The following NRG4 variants were observed in gnomAD, a reference collection of about 807,000 sequenced individuals.
NRG4 encodes neuregulin 4.
In NRG4, 10 loss-of-function variants were observed where a neutral mutation model predicts 15.0. That is an observed-to-expected ratio of 0.67 (90% CI 0.41 to 1.13). The LOEUF is 1.13. Ranked by LOEUF, NRG4 falls within the 50% of genes most tolerant of loss-of-function variation. The pLI is 0.00. For missense variants in NRG4, 139 were observed against 140.2 expected (o/e 0.99, Z 0.04); for synonymous variants, 41 against 50.1 (o/e 0.82, Z 0.77).
intron 3 of NRG4, among the ~76,000 whole-genome samples, chr15:75,994,085 G>C (rs918134882): frequency 6.6e-6 from 1 of 152,072 alleles, no homozygotes; most frequent in Non-Finnish European, 1.5e-5. Flanking sequence ...CAGACCTTAC[G>C]AGTGACATGT....
intron 4 of NRG4, among the ~76,000 whole-genome samples, chr15:76,036,610 G>C (rs2035602656): frequency 6.6e-6 from 1 of 151,904 alleles, no homozygotes; most frequent in Non-Finnish European, 1.5e-5. Context: ...CTATACATGA[G>C]GGCGGAGTTA....
chr15:75,953,832 AT>A (rs2032057063), intron 5 of NRG4, among the ~76,000 whole-genome samples: 1 of 152,146 alleles, frequency 6.6e-6, no homozygotes, highest in Admixed American at 6.6e-5. Flanking sequence ...GACTACAGAT[AT>A]GCACCATCAT....
At chr15:75,975,148 T>G (rs2033307369) in intron 3 of NRG4, among the ~76,000 whole-genome samples, 1 of 152,224 alleles carries the variant, frequency 6.6e-6, no homozygotes, top group Non-Finnish European at 1.5e-5. Flanking sequence ...TTAAAGGCTG[T>G]TTTATCGGAG....
intron 5 of NRG4, among the ~76,000 whole-genome samples, chr15:76,031,810 G>A (rs2035479263): frequency 1.3e-5 from 2 of 152,314 alleles, no homozygotes; most frequent in Non-Finnish European, 2.9e-5. Flanking sequence ...AGCCAAGATC[G>A]TGCCATTGCA....
chr15:75,956,500 T>G (rs975748606), intron 4 of NRG4, among the ~76,000 whole-genome samples: 1 of 49,436 alleles, frequency 2.0e-5, no homozygotes. Context: ...TCAGTTAATA[T>G]AGGTTATGAT....
At chr15:75,939,542 C>T (rs1050219303), downstream of NRG4, 7 of 152,102 alleles carry the variant, frequency 4.6e-5, no homozygotes, top group African/African-American at 1.2e-4. Flanking sequence ...AGAGGAAGGA[C>T]GCTGCCTAAT....
intron 3 of NRG4, among the ~76,000 whole-genome samples, chr15:75,963,227 C>A (rs953317364): frequency 1.3e-5 from 2 of 152,092 alleles, no homozygotes; most frequent in Admixed American, 6.6e-5. Context: ...GATAGCTTCC[C>A]GGGGCGGTAT....
chr15:75,939,298 A>G (rs962288487), downstream of NRG4: 3 of 152,186 alleles, frequency 2.0e-5, no homozygotes, highest in Non-Finnish European at 4.4e-5. Flanking sequence ...GTTATAGAAG[A>G]ATACCTTCGA....
At chr15:76,022,403 CACAT>C (rs1178874881) in intron 5 of NRG4, among the ~76,000 whole-genome samples, 1 of 144,384 alleles carries the variant, frequency 6.9e-6, no homozygotes, top group African/African-American at 2.5e-5. Context: ...TTTTCACAGA[CACAT>C]ATGTATGTCA....
At chr15:76,046,270 G>C (rs983030489) in intron 4 of NRG4, among the ~76,000 whole-genome samples, 1 of 150,956 alleles carries the variant, frequency 6.6e-6, no homozygotes, top group Non-Finnish European at 1.5e-5. Context: ...AAATGATAAA[G>C]ACTACCCAAA....
At chr15:75,955,270 C>T (rs537812141) in intron 5 of NRG4, among the ~76,000 whole-genome samples, 6 of 152,236 alleles carry the variant, frequency 3.9e-5, no homozygotes, top group Non-Finnish European at 5.9e-5. Context: ...CTTCTCAACT[C>T]GGAGTCAGCC....
intron 3 of NRG4, among the ~76,000 whole-genome samples, chr15:75,974,521 T>G (rs1010719433): frequency 2.6e-5 from 4 of 152,222 alleles, no homozygotes; most frequent in African/African-American, 9.6e-5. Flanking sequence ...CTCTAAACAC[T>G]GCTTTTGCTG....
At chr15:76,055,841 G>A (rs1318243581) in intron 2 of NRG4, among the ~76,000 whole-genome samples, 1 of 152,154 alleles carries the variant, frequency 6.6e-6, no homozygotes, top group Admixed American at 6.5e-5. Flanking sequence ...CAGACTTTTA[G>A]TGGGTTTACT....
intron 3 of NRG4, among the ~76,000 whole-genome samples, chr15:76,008,960 G>A (rs1415946543): frequency 1.3e-5 from 2 of 152,088 alleles, no homozygotes; most frequent in Non-Finnish European, 2.9e-5. Flanking sequence ...TTAAAAATGT[G>A]TCTAGGCTAG....
intron 3 of NRG4, among the ~76,000 whole-genome samples, chr15:75,982,104 A>G (rs1202555425): frequency 6.6e-6 from 1 of 152,216 alleles, no homozygotes; most frequent in East Asian, 1.9e-4. Context: ...TTCTAATGCT[A>G]AACTATTCTA....
At chr15:75,991,560 T>A (rs1391050272) in intron 3 of NRG4, among the ~76,000 whole-genome samples, 4 of 151,898 alleles carry the variant, frequency 2.6e-5, no homozygotes, top group Non-Finnish European at 5.9e-5. Flanking sequence ...GGAGGATAGG[T>A]TTTTCTATCA....
At chr15:75,978,398 A>G (rs1263444649) in intron 3 of NRG4, among the ~76,000 whole-genome samples, 1 of 152,174 alleles carries the variant, frequency 6.6e-6, no homozygotes, top group African/African-American at 2.4e-5. Context: ...TTATGGCTGA[A>G]TAATATTCTA....
chr15:75,945,814 T>C (rs1204896869), intron 5 of NRG4: 1 of 152,184 alleles, frequency 6.6e-6, no homozygotes, highest in Non-Finnish European at 1.5e-5. Flanking sequence ...CTCTTCTCCA[T>C]GGGGGATACA....
At chr15:75,975,293 ACT>A (rs2033314554) in intron 3 of NRG4, among the ~76,000 whole-genome samples, 1 of 151,678 alleles carries the variant, frequency 6.6e-6, no homozygotes. Flanking sequence ...GTGAGTCTTG[ACT>A]CTATCCAATT....
Sources: gnomAD v4.1 joint callset for allele counts (sites outside exome capture counted in the v4.1 genomes callset) on GRCh38, gnomAD v4.1.1 for gene constraint, MANE v1.5 for transcripts, NCBI Gene and HGNC (gene_info 2026-07-23, HGNC 2026-07-21) for gene names.